The following PRPF8 variants were observed in gnomAD, a reference collection of about 807,000 sequenced individuals.
The protein encoded by PRPF8 is pre-mRNA processing factor 8.
PRPF8 carries 64 observed loss-of-function variants against 285.9 expected under a neutral mutation model. The observed-to-expected ratio is 0.22, with a 90% CI of 0.18 to 0.28. The LOEUF is 0.28. PRPF8 is among the 10% of genes least tolerant of loss of function. The pLI is 1.00. For missense variants in PRPF8, 1,426 were observed against 3,026.7 expected (o/e 0.47, Z 12.41); for synonymous variants, 1,325 against 1,118.2 (o/e 1.18, Z -3.69).
intron 3 of PRPF8, 74 bp from the exon 4 acceptor site, chr17:1,682,367 A>C: frequency 1.9e-6 from 3 of 1,548,076 alleles, no homozygotes; most frequent in Non-Finnish European, 2.7e-6. Context: ...CAGAGAAGCC[A>C]CATGTTCATG....
At chr17:1,681,362 G>C in intron 6 of PRPF8, 116 bp downstream of exon 6, 1 of 1,194,988 alleles carries the variant, frequency 8.4e-7, no homozygotes, top group Non-Finnish European at 1.2e-6. Context: ...ATTACAGCGT[G>C]AGCCACTGCA....
At position 1,677,562 on chromosome 17, in the gene PRPF8, C is replaced by T; in HGVS notation, c.1984+3G>A. 1 of 1,614,006 alleles carries T rather than the reference C, an allele frequency of 6.2e-7. No individual in the cohort carries two copies. The highest frequency in any genetic ancestry group is 8.5e-7 in the Non-Finnish European group (1 of 1,180,010). On this transcript the variant is annotated splice_donor_region_variant and intron_variant, in intron 14 of 42. Coordinates refer to ENST00000304992, the MANE Select transcript of PRPF8 (RefSeq NM_006445.4). Reference sequence around the variant, plus strand: ...GAAGTTGGACACAGAGAAAACCACTCACCTTCAAACTGCCGGGCCAGGAGG... The same window carrying T: ...GAAGTTGGACACAGAGAAAACCACTTACCTTCAAACTGCCGGGCCAGGAGG...
At chr17:1,660,935 T>C in intron 28 of PRPF8, 58 bp downstream of exon 28, 1 of 1,612,562 alleles carries the variant, frequency 6.2e-7, no homozygotes, top group Admixed American at 1.7e-5. Flanking sequence ...CACAGAGGCA[T>C]ACAAGAGATG....
At position 1,673,521 on chromosome 17, in the gene PRPF8, C is replaced by A. The variant is rs1323394186; in HGVS notation, c.3493G>T (p.Val1165Leu). 1 of 1,614,228 alleles carries A rather than the reference C, an allele frequency of 6.2e-7. No individual in the cohort carries two copies. The highest frequency in any genetic ancestry group is 1.1e-5 in the South Asian group (1 of 91,086). ...WDIKNRLPRS[V>L]TTVQWENSFV... ...CTGTTCTCCCACTGAACTGTAGTCA[C>A]TGACCGTGGCAAGCGGTTCTTGATG... Residue 1165 changes from valine (V) to leucine (L), a missense_variant, in exon 23 of 43, where the codon GTG (valine) becomes TTG (leucine). Around this residue, in one of 34 missense-constraint regions of PRPF8, gnomAD observed 148 missense variants for 196.2 expected, o/e 0.75. Transcript: ENST00000304992. This position sits in a 1 kb window ranked among gnomAD's most constrained non-coding sequence, Gnocchi z 5.5.
intron 14 of PRPF8, 190 bp from the exon 15 acceptor site, chr17:1,677,362 A>G (rs987650348): frequency 3.1e-6 from 3 of 960,398 alleles, no homozygotes; most frequent in African/African-American, 3.3e-5. Flanking sequence ...AGGAATTTCC[A>G]CTCCTGCAAA....
chr17:1,668,324 T>A (rs1912104680), intron 24 of PRPF8, among the ~76,000 whole-genome samples: 1 of 148,204 alleles, frequency 6.7e-6, no homozygotes, highest in South Asian at 2.2e-4. Flanking sequence ...TCCTCTCCCC[T>A]CTTCCAGTAT....
At position 1,651,211 on chromosome 17, in the gene PRPF8, G is replaced by A. The variant is rs759598868; in HGVS notation, c.6750C>T (p.Gly2250=). The change falls in exon 42 of 43, where the codon GGC becomes GGT. Residue 2250 remains glycine (G), a synonymous_variant. Coordinates refer to ENST00000304992, the MANE Select transcript of PRPF8 (RefSeq NM_006445.4). This position sits in a 1 kb window ranked among gnomAD's most constrained non-coding sequence, Gnocchi z 5.1. ...CCCTCTCATAGTGTGAAGGCAGGTA[G>A]CCCTTGGGGTTGTTGCCCTTGTCTG... The part of the protein sequence containing the change: ...QNTDKGNNPK[G]YLPSHYERVQ... 2.8e-5 allele frequency: 45 copies of A among 1,614,034 alleles called. No individual in the cohort carries two copies. The highest frequency in any genetic ancestry group is 3.5e-5 in the Non-Finnish European group (41 of 1,180,054).
At chr17:1,657,089 G>A (rs1171091377) in intron 34 of PRPF8, among the ~76,000 whole-genome samples, 1 of 152,170 alleles carries the variant, frequency 6.6e-6, no homozygotes, top group Non-Finnish European at 1.5e-5. Context: ...GAGGGACTGT[G>A]ATTAACAGAG....
chr17:1,666,023 C>T (rs1015724888), intron 24 of PRPF8, among the ~76,000 whole-genome samples: 8 of 151,234 alleles, frequency 5.3e-5, no homozygotes, highest in African/African-American at 1.2e-4. Flanking sequence ...AAATATTAGC[C>T]GGGTGTGGTG....
At chr17:1,660,665 T>C in intron 29 of PRPF8, 33 bp downstream of exon 29, 3 of 1,614,192 alleles carry the variant, frequency 1.9e-6, no homozygotes, top group Non-Finnish European at 8.5e-7. Context: ...CAACTGTCTT[T>C]AGCTTCCCCT....
rs886052621 is a variant in PRPF8, at chr17:1,684,802, G to C, written c.-34C>G. ...CACCCCACAGGCCCTCACACAAGAGGCCGCTTTCCCCGCAGCGCAATGGCG... is the reference window on the plus strand; with the variant it reads ...CACCCCACAGGCCCTCACACAAGAGCCCGCTTTCCCCGCAGCGCAATGGCG... On this transcript the variant is annotated 5_prime_UTR_variant, in exon 1 of 43. Transcript: ENST00000304992. 1.7e-6 allele frequency: 1 copy of C among 599,304 alleles called. No homozygotes were observed. The highest frequency in any genetic ancestry group is 2.8e-5 in the East Asian group (1 of 36,050). 37.1% of individuals were successfully genotyped at this position (599,304 alleles called of 1,614,324 possible).
Position 1,653,614 on chromosome 17 carries a change from C to G in PRPF8, c.6297G>C (p.Glu2099Asp), listed in dbSNP as rs1463152553. The change falls in exon 39 of 43, where the codon GAG (glutamate) becomes GAC (aspartate). Residue 2099 changes from glutamate to aspartate, a missense_variant. This residue lies in a region of PRPF8 where 160 missense variants were observed against 373.7 expected (regional missense o/e 0.43). Coordinates refer to ENST00000304992, the MANE Select transcript of PRPF8 (RefSeq NM_006445.4). This position sits in a 1 kb window ranked among gnomAD's most constrained non-coding sequence, Gnocchi z 4.9. Reference sequence around the variant, plus strand: ...TGGGAAGGATGTAGGTGTAGCCAGTCTCCTTGATGTCGTCAGATGAAACAT... The same window carrying G: ...TGGGAAGGATGTAGGTGTAGCCAGTGTCCTTGATGTCGTCAGATGAAACAT... Reference protein sequence around the residue: ...HIYVSSDDIKETGYTYILPKN... With the variant: ...HIYVSSDDIKDTGYTYILPKN... 1.2e-5 allele frequency: 20 copies of G among 1,614,082 alleles called. No individual in the cohort carries two copies. Among genetic ancestry groups the G allele is most frequent in the Non-Finnish European group, 1.5e-5 (18 of 1,180,052 alleles).
intron 13 of PRPF8, among the ~76,000 whole-genome samples, chr17:1,678,237 C>T (rs1210696111): frequency 6.6e-6 from 1 of 152,140 alleles, no homozygotes; most frequent in Non-Finnish European, 1.5e-5. Context: ...ATCACTTCAA[C>T]CCGGGAGGCG....
chr17:1,665,556 A>C (rs1230629239), intron 24 of PRPF8, among the ~76,000 whole-genome samples: 1 of 148,550 alleles, frequency 6.7e-6, no homozygotes, highest in African/African-American at 2.5e-5. Flanking sequence ...AAAAACGAGA[A>C]AGGTCAGCTG....
At position 1,659,201 on chromosome 17, in the gene PRPF8, A is replaced by G. The variant is rs1486040947; in HGVS notation, c.5138+156T>C. The G allele has an allele frequency of 1.2e-6, 1 of 839,564 alleles. No individual in the cohort carries two copies. The highest frequency in any genetic ancestry group is 1.5e-5 in the South Asian group (1 of 68,752). 52.0% of individuals were successfully genotyped at this position (839,564 alleles called of 1,614,324 possible). A position where few individuals can be genotyped will look rare whatever the true frequency, so the allele number is the denominator to read the frequency against. On this transcript the variant is annotated intron_variant, in intron 32 of 42. Coordinates refer to ENST00000304992, the MANE Select transcript of PRPF8 (RefSeq NM_006445.4). This position sits in a 1 kb window ranked among gnomAD's most constrained non-coding sequence, Gnocchi z 5.1. ...CCACCACGCCCAGCTAATTTTTTGT[A>G]TTTTGGTAGAGACAGGGTTTCACCA...
In PRPF8 at chr17:1,683,402, A is replaced by G; in HGVS notation, c.269+131T>C. 3.1e-6 allele frequency: 3 copies of G among 979,162 alleles called. No individual in the cohort carries two copies. The Admixed American group carries it at 5.7e-5, about 18-fold the overall frequency. 60.7% of individuals were successfully genotyped at this position (979,162 alleles called of 1,614,324 possible). ...GTGGAAGATGTAGAAATTATCAGAGACTCCTACTGGTTTTCTCCTTTCTCT... is the reference window on the plus strand; with the variant it reads ...GTGGAAGATGTAGAAATTATCAGAGGCTCCTACTGGTTTTCTCCTTTCTCT... On this transcript the variant is annotated intron_variant, in intron 3 of 42. Transcript: ENST00000304992.
Position 1,675,991 on chromosome 17 carries a change from A to G in PRPF8, c.2616T>C (p.Asp872=). 7 of 1,613,948 alleles carry G rather than the reference A, an allele frequency of 4.3e-6. No individual in the cohort carries two copies. Among genetic ancestry groups the G allele is most frequent in the Non-Finnish European group, 5.9e-6 (7 of 1,180,026 alleles). The change falls in exon 18 of 43, where the codon GAT becomes GAC. Residue 872 remains aspartate (D), a synonymous_variant. Coordinates refer to ENST00000304992, the MANE Select transcript of PRPF8 (RefSeq NM_006445.4). The surrounding 1 kb of genome is among the most constrained non-coding windows in gnomAD (Gnocchi z 6.0). ...EELGLIEQAY[D]NPHEALSRIK... is the part of the protein sequence containing the mutation. Reference sequence around the variant, plus strand: ...TGCGGGACAGCGCCTCGTGGGGGTTATCGTAGGCCTGCTCGATCAGACCTA... The same window carrying G: ...TGCGGGACAGCGCCTCGTGGGGGTTGTCGTAGGCCTGCTCGATCAGACCTA...
rs745619115 is a variant in PRPF8, at chr17:1,681,872, C to T, written c.601G>A (p.Ala201Thr). 9 of 1,613,892 alleles carry T rather than the reference C, an allele frequency of 5.6e-6. No homozygotes were observed. The Admixed American group carries it at 1.2e-4, about 21-fold the overall frequency. ...IQLELDPEED[A>T]PVLDWFYDHQ... The stretch of plus-strand genomic sequence containing the variant: ...TCATAGAACCAGTCCAACACAGGGG[C>T]GTCCTCCTCAGGGTCCAGCTCTAGC... The change falls in exon 5 of 43, where the codon GCC (alanine) becomes ACC (threonine). Residue 201 changes from alanine (A) to threonine (T), a missense_variant. Around this residue, in one of 34 missense-constraint regions of PRPF8, gnomAD observed 96 missense variants for 188.3 expected, o/e 0.51. Transcript: ENST00000304992.
chr17:1,660,942 G>T (rs751319211), intron 28 of PRPF8, 51 bp downstream of exon 28: 2 of 1,612,532 alleles, frequency 1.2e-6, no homozygotes, highest in Non-Finnish European at 1.7e-6. Flanking sequence ...GCATACAAGA[G>T]ATGAGCTCAA....
Sources: gnomAD v4.1 joint callset for allele counts (sites outside exome capture counted in the v4.1 genomes callset) on GRCh38, gnomAD v4.1.1 for gene constraint, gnomAD v4.1.1 regional missense constraint, Gnocchi (gnomAD v3.1) non-coding constraint, MANE v1.5 for transcripts, NCBI Gene and HGNC (gene_info 2026-07-23, HGNC 2026-07-21) for gene names.